KIAA1217: variants seen among roughly 807,000 people sequenced by gnomAD.
KIAA1217 encodes the protein KIAA1217.
Under a neutral mutation model 163.9 loss-of-function variants are expected in KIAA1217, and 88 were observed. The observed-to-expected ratio is 0.54, with a 90% confidence interval of 0.45 to 0.64. The LOEUF (loss-of-function observed/expected upper bound fraction) is 0.64, where lower values mean the gene tolerates loss of function less well. KIAA1217 is among the 30% of genes least tolerant of loss of function. The probability of loss-of-function intolerance (pLI) is 0.00; values close to 1 mark genes in which losing one functional copy is unlikely to be tolerated. For missense variants in KIAA1217, 2,372 were observed against 2,475.0 expected, an observed-to-expected ratio of 0.96 and a Z score of 0.88; for synonymous variants, 903 against 923.1, an observed-to-expected ratio of 0.98 and a Z score of 0.39.
At position 24,538,645 on chromosome 10, in the gene KIAA1217, G is replaced by A. The variant is rs572688703; in HGVS notation, c.3534+1752G>A. On this transcript the variant is annotated intron_variant, in intron 17 of 20. Transcript: ENST00000376454. Reference sequence around the variant, plus strand: ...GAAAAAGAGAGGAAGGAAAAAGAGAGGAAGGGAGGGAAAAGAAAGAAAACC... The same window carrying A: ...GAAAAAGAGAGGAAGGAAAAAGAGAAGAAGGGAGGGAAAAGAAAGAAAACC... 4.6e-4 allele frequency among the ~76,000 whole-genome samples: 63 copies of A among 138,072 alleles called. 1 individual carries two copies. Among genetic ancestry groups the A allele is most frequent in the Non-Finnish European group, 8.3e-4 (54 of 65,140 alleles). 90.6% of individuals were successfully genotyped at this position (138,072 alleles called of 152,430 possible).
At chr10:24,170,234 C>T (rs549476789) in intron 2 of KIAA1217, among the ~76,000 whole-genome samples, 1 of 152,202 alleles carries the variant, frequency 6.6e-6, no homozygotes, top group South Asian at 2.1e-4. Context: ...TGCTTTTTGC[C>T]GGGTGGTAAG....
chr10:23,829,176 T>A (rs958093088), intron 1 of KIAA1217, among the ~76,000 whole-genome samples: 1 of 152,174 alleles, frequency 6.6e-6, no homozygotes, highest in Non-Finnish European at 1.5e-5. Context: ...TTCAGATACA[T>A]TGGCTGTAGG....
intron 3 of KIAA1217, among the ~76,000 whole-genome samples, chr10:24,420,163 C>T (rs2058616573): frequency 6.6e-6 from 1 of 152,186 alleles, no homozygotes. Context: ...ACACTCTCAC[C>T]AGCAGTAAAT....
At chr10:24,374,828 C>G (rs575418551) in intron 2 of KIAA1217, among the ~76,000 whole-genome samples, 7 of 152,162 alleles carry the variant, frequency 4.6e-5, no homozygotes, top group Admixed American at 2.0e-4. Context: ...GTTCTTTCTC[C>G]CAGGCTGATG....
chr10:24,452,208 A>G (rs2061424455), intron 5 of KIAA1217, among the ~76,000 whole-genome samples: 1 of 152,172 alleles, frequency 6.6e-6, no homozygotes, highest in Non-Finnish European at 1.5e-5. Context: ...TGTGGTTTGC[A>G]GAAGTCATAG....
intron 11 of KIAA1217, among the ~76,000 whole-genome samples, chr10:24,521,035 A>G (rs909865948): frequency 2.0e-4 from 30 of 149,762 alleles, no homozygotes; most frequent in African/African-American, 7.2e-4. Context: ...CTAAAAAAAA[A>G]AAAAAAGTTT....
intron 1 of KIAA1217, among the ~76,000 whole-genome samples, chr10:23,828,770 G>A (rs908672381): frequency 8.5e-5 from 13 of 152,098 alleles, no homozygotes; most frequent in African/African-American, 3.1e-4. Flanking sequence ...GACAGAGTTG[G>A]GATTTCAACC....
chr10:23,758,736 G>A (rs147027300), intron 1 of KIAA1217, among the ~76,000 whole-genome samples: 1,541 of 141,018 alleles, frequency 0.011, 28 homozygotes, highest in African/African-American at 0.039. Flanking sequence ...ACCCAGGCTG[G>A]AGTGTAATGG....
chr10:23,815,754 A>G (rs1837287694), intron 1 of KIAA1217, among the ~76,000 whole-genome samples: 2 of 152,224 alleles, frequency 1.3e-5, no homozygotes, highest in African/African-American at 4.8e-5. Flanking sequence ...CACATATTTC[A>G]TGTATAATGA....
rs550873438 is a variant in KIAA1217, at chr10:24,451,407, C to T, written c.846+12928C>T. Among the ~76,000 whole-genome samples the T allele has an allele frequency of 2.6e-5, 4 of 152,280 alleles. No individual in the cohort carries two copies. The East Asian group carries it at 7.7e-4, about 29-fold the overall frequency. On this transcript the variant is annotated intron_variant, in intron 5 of 20. Coordinates refer to ENST00000376454, the MANE Select transcript of KIAA1217 (RefSeq NM_019590.5). Reference sequence around the variant, plus strand: ...CAGCTGGCTCAGCTGCCTGAGAGCCCGAACTTCACCTTCAACAGTGCTCTT... The same window carrying T: ...CAGCTGGCTCAGCTGCCTGAGAGCCTGAACTTCACCTTCAACAGTGCTCTT...
chr10:24,347,838 C>CA (rs1277214319), intron 2 of KIAA1217, among the ~76,000 whole-genome samples: 4 of 152,152 alleles, frequency 2.6e-5, no homozygotes, highest in Admixed American at 6.6e-5. Flanking sequence ...TATGACCTGA[C>CA]AATTTCATAT....
At chr10:24,193,600 C>A (rs886184887) in intron 2 of KIAA1217, among the ~76,000 whole-genome samples, 3 of 152,146 alleles carry the variant, frequency 2.0e-5, no homozygotes, top group Non-Finnish European at 2.9e-5. Context: ...GCTATCTAAC[C>A]TGAACATGAA....
At chr10:23,847,044 T>A (rs2131083625) in intron 1 of KIAA1217, among the ~76,000 whole-genome samples, 1 of 152,330 alleles carries the variant, frequency 6.6e-6, no homozygotes, top group Middle Eastern at 3.4e-3. Context: ...CATTTATTGA[T>A]TTGCATATGT....
chr10:24,116,322 A>G (rs1007163747), intron 2 of KIAA1217, among the ~76,000 whole-genome samples: 2 of 152,092 alleles, frequency 1.3e-5, no homozygotes, highest in African/African-American at 2.4e-5. Flanking sequence ...GTGACCCTCT[A>G]TCATACAGAG....
chr10:23,936,246 G>A (rs889306405), intron 1 of KIAA1217, among the ~76,000 whole-genome samples: 1 of 152,064 alleles, frequency 6.6e-6, no homozygotes, highest in African/African-American at 2.4e-5. Flanking sequence ...GACCCATGAT[G>A]TCACCCATAA....
At chr10:23,949,022 T>C (rs112180437) in intron 1 of KIAA1217, among the ~76,000 whole-genome samples, 3 of 152,246 alleles carry the variant, frequency 2.0e-5, no homozygotes, top group African/African-American at 7.2e-5. Flanking sequence ...GGTACCTAAA[T>C]AAATAATGCA....
chr10:23,759,068 C>T (rs1291513997), intron 1 of KIAA1217, among the ~76,000 whole-genome samples: 2 of 152,172 alleles, frequency 1.3e-5, no homozygotes, highest in Non-Finnish European at 2.9e-5. Context: ...AATCTTTCCA[C>T]TTATTTATTT....
At chr10:24,351,420 T>G (rs1315509150) in intron 2 of KIAA1217, among the ~76,000 whole-genome samples, 2 of 152,148 alleles carry the variant, frequency 1.3e-5, no homozygotes, top group Admixed American at 1.3e-4. Context: ...ACATCCAAGG[T>G]CAGTGTTCAT....
chr10:23,867,568 T>C (rs1390537658), intron 1 of KIAA1217, among the ~76,000 whole-genome samples: 1 of 152,202 alleles, frequency 6.6e-6, no homozygotes, highest in Admixed American at 6.5e-5. Context: ...TGGTATCTCA[T>C]TGTGGTTTTG....
Sources: allele counts gnomAD v4.1 joint callset (sites outside exome capture counted in the v4.1 genomes callset), GRCh38; gene constraint gnomAD v4.1.1; transcripts MANE v1.5; gene names NCBI Gene and HGNC (gene_info 2026-07-23, HGNC 2026-07-21).